COL5A1: variants seen among roughly 807,000 people sequenced by gnomAD.
COL5A1 encodes collagen alpha-1(V) chain.
COL5A1 carries 16 observed loss-of-function variants against 263.7 expected under a neutral mutation model. The ratio of observed to expected loss-of-function variants is 0.06; its 90% CI spans 0.04 to 0.09. The LOEUF (loss-of-function observed/expected upper bound fraction) is 0.09. Among genes scored for constraint, COL5A1 ranks in the 10% least tolerant of loss-of-function variants. COL5A1 has a pLI of 1.00. For missense variants in COL5A1, 2,036 were observed against 2,540.5 expected (o/e 0.80, Z 4.27); for synonymous variants, 1,012 against 1,004.5 (o/e 1.01, Z -0.14).
chr9:134,643,741 G>A (rs1831378313), intron 1 of COL5A1, among the ~76,000 whole-genome samples: 1 of 152,198 alleles, frequency 6.6e-6, no homozygotes, highest in East Asian at 1.9e-4. Flanking sequence ...GGAGAAGGAA[G>A]GTGTGGTCAG....
chr9:134,813,548 C>T (rs1014035213), intron 48 of COL5A1, among the ~76,000 whole-genome samples: 9 of 152,218 alleles, frequency 5.9e-5, no homozygotes, highest in East Asian at 5.8e-4. Flanking sequence ...CGCTGTAGGG[C>T]GCATGTTTCT....
intron 63 of COL5A1, among the ~76,000 whole-genome samples, chr9:134,827,539 C>G (rs1839338522): frequency 6.6e-6 from 1 of 152,268 alleles, no homozygotes; most frequent in Non-Finnish European, 1.5e-5. Flanking sequence ...TCGCGGCCTG[C>G]CTCTGCAAAT....
At chr9:134,766,280 G>A (rs1056696941) in intron 21 of COL5A1, among the ~76,000 whole-genome samples, 174 bp from the exon 22 acceptor site, 1 of 152,208 alleles carries the variant, frequency 6.6e-6, no homozygotes, top group East Asian at 1.9e-4. Context: ...GGGCTGATCA[G>A]TGGACCTCTG....
At position 134,652,957 on chromosome 9, in the gene COL5A1, C is replaced by T. The variant is rs1831746942; in HGVS notation, c.109+10661C>T. On this transcript the variant is annotated intron_variant, in intron 1 of 65. Coordinates refer to ENST00000371817, the MANE Select transcript of COL5A1 (RefSeq NM_000093.5). The surrounding 1 kb of genome is among the most constrained non-coding windows in gnomAD (Gnocchi z 4.4). The stretch of plus-strand genomic sequence containing the variant: ...TGCTGGAGCGTCTGGGGGTGCCACA[C>T]TTTGCAAACCACGAGTCGTTCTGCG... The T allele has an allele frequency of 1.0e-5, 3 of 298,258 alleles. No individual in the cohort carries two copies. The highest frequency in any genetic ancestry group is 8.5e-5 in the South Asian group (3 of 35,466). The allele number at this position is 298,258 out of a possible 1,614,324, so 18.5% of individuals were successfully genotyped here.
chr9:134,716,554 G>A lies in COL5A1; in HGVS notation c.655-10712G>A, dbSNP rs534213767. 9.8e-5 allele frequency among the ~76,000 whole-genome samples: 15 copies of A among 152,320 alleles called. No individual in the cohort carries two copies. Among genetic ancestry groups the A allele is most frequent in the African/African-American group, 3.1e-4 (13 of 41,580 alleles). On this transcript the variant is annotated intron_variant, in intron 4 of 65. Coordinates refer to ENST00000371817, the MANE Select transcript of COL5A1 (RefSeq NM_000093.5). The surrounding 1 kb of genome is among the most constrained non-coding windows in gnomAD (Gnocchi z 4.5). ...ACCCTTTGGGTGGCGAGTCTTTGAGGAGGTGAACCCCCACCCTTTGGAGAG... is the reference window on the plus strand; with the variant it reads ...ACCCTTTGGGTGGCGAGTCTTTGAGAAGGTGAACCCCCACCCTTTGGAGAG...
intron 1 of COL5A1, among the ~76,000 whole-genome samples, chr9:134,679,870 A>T (rs934132982): frequency 1.4e-4 from 21 of 152,000 alleles, no homozygotes; most frequent in African/African-American, 5.1e-4. Context: ...CCTCTTACAG[A>T]TAATGACAGG....
chr9:134,694,341 C>T (rs1833386803), intron 2 of COL5A1, among the ~76,000 whole-genome samples: 2 of 152,246 alleles, frequency 1.3e-5, no homozygotes, highest in African/African-American at 2.4e-5. Context: ...GCCCTCCACC[C>T]ACACTGGCAC....
chr9:134,750,960 G>T, intron 13 of COL5A1, 78 bp downstream of exon 13: 1 of 1,235,204 alleles, frequency 8.1e-7, no homozygotes, highest in Non-Finnish European at 1.2e-6. Context: ...AGTGAGTCAG[G>T]CTCAGAGCCC....
intron 5 of COL5A1, among the ~76,000 whole-genome samples, chr9:134,728,016 A>G (rs3124300): frequency 0.4 from 61,203 of 152,034 alleles, 13,537 homozygotes; most frequent in Admixed American, 0.58. Context: ...ACTGCCTCTC[A>G]TTTCTCATCC....
intron 4 of COL5A1, among the ~76,000 whole-genome samples, chr9:134,713,733 G>A (rs1227531117): frequency 2.0e-5 from 3 of 152,190 alleles, no homozygotes; most frequent in African/African-American, 4.8e-5. Flanking sequence ...AGGAATGCAC[G>A]CTGTCACAGG....
chr9:134,834,722 A>C (rs372122997), intron 64 of COL5A1, among the ~76,000 whole-genome samples: 7 of 152,326 alleles, frequency 4.6e-5, no homozygotes, highest in African/African-American at 1.4e-4. Context: ...AAGGATAAGC[A>C]TAAGCCAAGA....
intron 65 of COL5A1, among the ~76,000 whole-genome samples, chr9:134,836,024 G>A (rs1351493292): frequency 6.6e-6 from 1 of 152,190 alleles, no homozygotes; most frequent in Admixed American, 6.5e-5. Context: ...TCCAGCCTGT[G>A]GGTCTTCCTG....
intron 39 of COL5A1, 96 bp from the exon 40 acceptor site, chr9:134,804,879 C>T: frequency 1.8e-6 from 2 of 1,088,214 alleles, no homozygotes; most frequent in South Asian, 1.3e-5. Flanking sequence ...TTGCTGGCTC[C>T]AAGAGAGAAG....
At chr9:134,791,478 G>A (rs1837689071) in intron 32 of COL5A1, among the ~76,000 whole-genome samples, 1 of 152,060 alleles carries the variant, frequency 6.6e-6, no homozygotes, top group South Asian at 2.1e-4. Context: ...AGCACTGCCT[G>A]GCTTTCTGGA....
chr9:134,818,955 A>G lies in COL5A1; in HGVS notation c.4393-45A>G, dbSNP rs560437116. On this transcript the variant is annotated intron_variant, in intron 56 of 65. Coordinates refer to ENST00000371817, the MANE Select transcript of COL5A1 (RefSeq NM_000093.5). The surrounding 1 kb of genome is among the most constrained non-coding windows in gnomAD (Gnocchi z 6.0). ...GCGGGTGGGATGACTTCGCCACCCA[A>G]AGCCCCAAGGATGAGGACTCTGATC... is the stretch of plus-strand genomic sequence containing the variant. 5 of 1,613,036 alleles carry G rather than the reference A, an allele frequency of 3.1e-6. No homozygotes were observed. The South Asian group carries it at 3.3e-5, about 11-fold the overall frequency.
At chr9:134,666,146 C>T (rs956662255) in intron 1 of COL5A1, among the ~76,000 whole-genome samples, 1 of 152,142 alleles carries the variant, frequency 6.6e-6, no homozygotes, top group Non-Finnish European at 1.5e-5. Context: ...TCAACCCAGG[C>T]AGAGGCTGGA....
At chr9:134,768,143 C>A (rs1387077483) in intron 24 of COL5A1, among the ~76,000 whole-genome samples, 1 of 152,202 alleles carries the variant, frequency 6.6e-6, no homozygotes, top group Non-Finnish European at 1.5e-5. Flanking sequence ...CAGTATGCAG[C>A]AGGTGGATGT....
chr9:134,809,527 G>A (rs1838434031), intron 43 of COL5A1, among the ~76,000 whole-genome samples: 1 of 152,186 alleles, frequency 6.6e-6, no homozygotes, highest in Non-Finnish European at 1.5e-5. Context: ...ACCCTCCTGT[G>A]TCATTTTGAG....
rs564703733 is a variant in COL5A1 at position 134,697,284 on chromosome 9, G to C, written c.278-2625G>C. ...CAATAAATCCATTGTTATTTTGCCA[G>C]GAGAGAGATTAATGTTAAACATAAT... On this transcript the variant is annotated intron_variant, in intron 2 of 65. Transcript: ENST00000371817. Among the ~76,000 whole-genome samples, 3 of 152,266 alleles carry C rather than the reference G, an allele frequency of 2.0e-5. No individual in the cohort carries two copies. The South Asian group carries it at 6.2e-4, about 32-fold the overall frequency.
Sources: gnomAD v4.1 joint callset for allele counts (sites outside exome capture counted in the v4.1 genomes callset) on GRCh38, gnomAD v4.1.1 for gene constraint, Gnocchi (gnomAD v3.1) non-coding constraint, MANE v1.5 for transcripts, NCBI Gene and HGNC (gene_info 2026-07-23, HGNC 2026-07-21) for gene names.